FEZ1: variants seen among roughly 807,000 people sequenced by gnomAD.
FEZ1 encodes the protein fasciculation and elongation protein zeta-1.
A neutral mutation model predicts 49.3 loss-of-function variants in FEZ1; 20 were observed. The observed-to-expected ratio is 0.41, with a 90% CI of 0.29 to 0.59. The LOEUF (loss-of-function observed/expected upper bound fraction) is 0.59. FEZ1 is among the 20% of genes least tolerant of loss of function. FEZ1 has a pLI of 0.36. For synonymous variants in FEZ1, 170 were observed against 180.9 expected (o/e 0.94, Z 0.48); for missense variants, 413 against 476.0 (o/e 0.87, Z 1.23).
chr11:125,491,220 C>T (rs1162366366), intron 1 of FEZ1, among the ~76,000 whole-genome samples: 2 of 152,212 alleles, frequency 1.3e-5, no homozygotes, highest in Non-Finnish European at 2.9e-5. Flanking sequence ...GCTGCACACA[C>T]AGAACTCCCT....
chr11:125,467,036 AT>A (rs11323641), intron 3 of FEZ1, among the ~76,000 whole-genome samples: 85,086 of 144,088 alleles, frequency 0.59, 25,114 homozygotes, highest in African/African-American at 0.69. Context: ...ACTGTGTCCC[AT>A]TTTTTTTTTT....
intron 5 of FEZ1, among the ~76,000 whole-genome samples, chr11:125,459,202 T>C (rs937713206): frequency 3.3e-5 from 5 of 152,244 alleles, no homozygotes; most frequent in Non-Finnish European, 5.9e-5. Flanking sequence ...TCCACTTAGC[T>C]ACACAAGAGT....
chr11:125,483,840 A>G (rs892615470), intron 2 of FEZ1, among the ~76,000 whole-genome samples: 5 of 152,206 alleles, frequency 3.3e-5, no homozygotes, highest in Non-Finnish European at 5.9e-5. Context: ...CCTTGAGACT[A>G]TTTACATCCT....
chr11:125,493,489 GGAAAGAAAGAAAGAAAGAGAGAAA>G (rs1957420164), intron 1 of FEZ1, among the ~76,000 whole-genome samples: 11 of 49,738 alleles, frequency 2.2e-4, no homozygotes, highest in East Asian at 1.3e-3. Context: ...AAGGAAAGAA[GGAAAGAAAGAAAGAAAGAGAGAAA>G]GAAAGAAAGA....
intron 3 of FEZ1, among the ~76,000 whole-genome samples, chr11:125,472,755 T>C (rs552096620): frequency 6.6e-6 from 1 of 152,198 alleles, no homozygotes; most frequent in South Asian, 2.1e-4. Context: ...AAGAACATGA[T>C]GCAAAAATCT....
At chr11:125,448,066 A>T (rs950553870) in intron 9 of FEZ1, among the ~76,000 whole-genome samples, 1 of 152,200 alleles carries the variant, frequency 6.6e-6, no homozygotes, top group Non-Finnish European at 1.5e-5. Flanking sequence ...CTGAGAGTGT[A>T]TTATGCCATT....
chr11:125,484,729 C>T (rs909185198), intron 2 of FEZ1, among the ~76,000 whole-genome samples: 7 of 151,272 alleles, frequency 4.6e-5, no homozygotes, highest in African/African-American at 1.2e-4. Flanking sequence ...GAAACCCATA[C>T]GTACGATGAT....
intron 1 of FEZ1, among the ~76,000 whole-genome samples, chr11:125,490,757 A>C (rs1435623233): frequency 6.6e-6 from 1 of 151,982 alleles, no homozygotes; most frequent in Non-Finnish European, 1.5e-5. Context: ...TAAATGCCTG[A>C]GTTGTTTTTG....
intron 6 of FEZ1, 95 bp from the exon 7 acceptor site, chr11:125,454,305 GC>G: frequency 1.2e-6 from 1 of 848,622 alleles, no homozygotes. Flanking sequence ...CCCAGATAAC[GC>G]CCCAGGGTTC....
chr11:125,450,281 CG>C (rs2135736836), intron 8 of FEZ1, among the ~76,000 whole-genome samples: 1 of 152,238 alleles, frequency 6.6e-6, no homozygotes, highest in East Asian at 1.9e-4. Flanking sequence ...CCACCCGCCT[CG>C]GCCTCCCAAA....
intron 8 of FEZ1, among the ~76,000 whole-genome samples, chr11:125,448,988 C>A (rs2135735240): frequency 6.6e-6 from 1 of 152,190 alleles, no homozygotes; most frequent in East Asian, 1.9e-4. Flanking sequence ...TAGACGAGAA[C>A]ACAGCAAGAG....
chr11:125,493,375 AAAGAAAG>A (rs1957405805), intron 1 of FEZ1, among the ~76,000 whole-genome samples: 3 of 36,008 alleles, frequency 8.3e-5, no homozygotes, highest in South Asian at 8.2e-4. Context: ...AGAAAGAAAG[AAAGAAAG>A]AAAGAAAGAA....
chr11:125,455,268 G>A (rs912011433), intron 6 of FEZ1, among the ~76,000 whole-genome samples: 12 of 152,120 alleles, frequency 7.9e-5, no homozygotes, highest in African/African-American at 2.7e-4. Flanking sequence ...GCATGAACCT[G>A]TAATCCCAGC....
In FEZ1 at chr11:125,495,734, C is replaced by T; in HGVS notation, c.-46+387G>A. On this transcript the variant is annotated intron_variant, in intron 1 of 9. Transcript: ENST00000278919. The surrounding 1 kb of genome is among the most constrained non-coding windows in gnomAD (Gnocchi z 4.2). ...GCGATCGGGCGGCGTTCCCTTCTTC[C>T]CCCAGCCCCCATACCTCGCCGCCCT... 3.5e-6 allele frequency: 1 copy of T among 284,772 alleles called. No individual in the cohort carries two copies. Among genetic ancestry groups the T allele is most frequent in the South Asian group, 2.2e-5 (1 of 45,560 alleles). The allele number at this position is 284,772 out of a possible 1,614,324, so 17.6% of individuals were successfully genotyped here. A position where few individuals can be genotyped will look rare whatever the true frequency, so the allele number is the denominator to read the frequency against.
At chr11:125,457,212 A>G (rs1386434483) in intron 5 of FEZ1, among the ~76,000 whole-genome samples, 4 of 149,918 alleles carry the variant, frequency 2.7e-5, no homozygotes, top group African/African-American at 9.8e-5. Flanking sequence ...AAATAAATAA[A>G]TAAATAAAAA....
At chr11:125,452,222 C>A in intron 8 of FEZ1, 112 bp downstream of exon 8, 1 of 739,798 alleles carries the variant, frequency 1.4e-6, no homozygotes, top group Admixed American at 2.0e-5. Context: ...GGTATTTTGG[C>A]CCATGTAAAC....
intron 6 of FEZ1, chr11:125,455,520 G>A (rs1957000895): frequency 2.6e-6 from 1 of 381,372 alleles, no homozygotes; most frequent in African/African-American, 2.0e-5. Flanking sequence ...AGAATTCTGA[G>A]GCCCATCTCA....
chr11:125,455,552 C>A, intron 6 of FEZ1: 1 of 469,660 alleles, frequency 2.1e-6, no homozygotes, highest in Non-Finnish European at 3.9e-6. Context: ...ACGAAATACC[C>A]TCACTCCACT....
intron 3 of FEZ1, among the ~76,000 whole-genome samples, chr11:125,466,599 C>T (rs1411157486): frequency 6.6e-6 from 1 of 152,158 alleles, no homozygotes; most frequent in Non-Finnish European, 1.5e-5. Flanking sequence ...AGATTTGAAT[C>T]CAGAAAGGGG....
Sources: allele counts gnomAD v4.1 joint callset (sites outside exome capture counted in the v4.1 genomes callset), GRCh38; gene constraint gnomAD v4.1.1; non-coding constraint Gnocchi (gnomAD v3.1); transcripts MANE v1.5; gene names NCBI Gene and HGNC (gene_info 2026-07-23, HGNC 2026-07-21).